BRD7: variants seen among roughly 807,000 people sequenced by gnomAD.
BRD7 encodes bromodomain-containing protein 7.
In BRD7, 15 loss-of-function variants were observed where a neutral mutation model predicts 82.1. The observed-to-expected ratio is 0.18, with a 90% CI of 0.12 to 0.28. The LOEUF is 0.28. Ranked by LOEUF, BRD7 falls within the 10% of genes least tolerant of loss-of-function variation. BRD7 has a pLI of 1.00. For synonymous variants in BRD7, 232 were observed against 266.9 expected, an observed-to-expected ratio of 0.87 and a Z score of 1.27; for missense variants, 638 against 779.9, an observed-to-expected ratio of 0.82 and a Z score of 2.17.
intron 5 of BRD7, among the ~76,000 whole-genome samples, chr16:50,345,948 T>C (rs914904735): frequency 1.3e-5 from 2 of 152,130 alleles, no homozygotes; most frequent in Admixed American, 6.5e-5. Context: ...CTCTCCACCC[T>C]AAATCAACAG....
intron 5 of BRD7, among the ~76,000 whole-genome samples, chr16:50,343,895 G>A (rs1367047802): frequency 6.6e-6 from 1 of 152,216 alleles, no homozygotes; most frequent in Non-Finnish European, 1.5e-5. Flanking sequence ...GTCCCTGTCT[G>A]ACAGCTTTGA....
intron 2 of BRD7, among the ~76,000 whole-genome samples, chr16:50,358,023 A>G (rs2038804299): frequency 1.3e-5 from 2 of 152,148 alleles, no homozygotes; most frequent in Admixed American, 6.5e-5. Context: ...CAAAACGGCC[A>G]AACTGTAAAC....
chr16:50,341,177 T>TACACAC (rs57755008), intron 5 of BRD7, among the ~76,000 whole-genome samples: 6,038 of 137,134 alleles, frequency 0.044, 181 homozygotes, highest in Non-Finnish European at 0.06. Flanking sequence ...AGACCTTAAG[T>TACACAC]ACACACACAC....
intron 4 of BRD7, among the ~76,000 whole-genome samples, chr16:50,350,740 C>T (rs1054976474): frequency 2.6e-5 from 4 of 152,116 alleles, no homozygotes; most frequent in African/African-American, 7.2e-5. Context: ...CCAAAAAAAC[C>T]CCAAAATCAG....
In BRD7 at chr16:50,328,679, G is replaced by A. The variant is rs188183810; in HGVS notation, c.1077C>T (p.Pro359=). 20 of 1,613,514 alleles carry A rather than the reference G, an allele frequency of 1.2e-5. No homozygotes were observed. The East Asian group carries it at 4.0e-4, about 32-fold the overall frequency. ...TTLGLLHPVD[P]IVGEPGYCPV... is the part of the protein sequence containing the mutation. ...TTACTCTGATCCTACCTCCTACAAT[G>A]GGATCCACAGGATGGAGAAGTCCCA... is the stretch of plus-strand genomic sequence containing the variant. Residue 359 remains proline, a synonymous_variant, in exon 9 of 17, where the codon CCC becomes CCT. Transcript: ENST00000394688.
At chr16:50,355,152 C>T (rs913477346) in intron 2 of BRD7, among the ~76,000 whole-genome samples, 17 of 152,008 alleles carry the variant, frequency 1.1e-4, no homozygotes, top group Admixed American at 5.2e-4. Context: ...ACAATACTAT[C>T]CAAAAAAGCA....
At chr16:50,362,204 A>C (rs941177620) in intron 2 of BRD7, among the ~76,000 whole-genome samples, 11 of 152,320 alleles carry the variant, frequency 7.2e-5, no homozygotes, top group African/African-American at 2.6e-4. Context: ...ATGTACTCTC[A>C]GGAGCCTCAG....
intron 5 of BRD7, 76 bp downstream of exon 5, chr16:50,349,947 G>T: frequency 7.8e-7 from 1 of 1,281,716 alleles, no homozygotes; most frequent in Non-Finnish European, 1.0e-6. Flanking sequence ...AAAATAAAAG[G>T]TCAATGAGAA....
chr16:50,368,257 C>T lies in BRD7; in HGVS notation c.91G>A (p.Gly31Arg). The change falls in exon 2 of 17, where the codon GGG becomes AGG. Residue 31 changes from glycine (G) to arginine (R), a missense_variant. Coordinates refer to ENST00000394688, the MANE Select transcript of BRD7 (RefSeq NM_013263.5). ...GTGGAGAGTTCGGTGACTTCGTTCC[C>T]TCCTACTTTGAGGACCAGCTTCAAG... ...KPLKLVLKVG[G>R]NEVTELSTGS... is the part of the protein sequence containing the mutation. 2 of 1,614,202 alleles carry T rather than the reference C, an allele frequency of 1.2e-6. No homozygotes were observed. Among genetic ancestry groups the T allele is most frequent in the Non-Finnish European group, 1.7e-6 (2 of 1,180,040 alleles).
rs140345367 is a variant in BRD7, at chr16:50,334,837, C to T, written c.761G>A (p.Arg254Gln). ...IDFMADLQKT[R>Q]KQKDGTDTSQ... ...GGTGTCTGTTCCATCTTTCTGCTTT[C>T]GAGTTTTCTGCAAGTCAGCCATGAA... is the stretch of plus-strand genomic sequence containing the variant. Residue 254 changes from arginine to glutamine, a missense_variant, in exon 7 of 17, where the codon CGA becomes CAA. Transcript: ENST00000394688. 2.0e-4 allele frequency: 321 copies of T among 1,614,120 alleles called. 1 individual carries two copies. In the African/African-American group the frequency reaches 3.8e-3, roughly 19 times the overall value.
chr16:50,332,351 G>C (rs1567606624), intron 8 of BRD7, among the ~76,000 whole-genome samples: 3 of 152,170 alleles, frequency 2.0e-5, no homozygotes, highest in Admixed American at 6.5e-5. Flanking sequence ...CAAAGGACAT[G>C]AACAGACACC....
intron 2 of BRD7, among the ~76,000 whole-genome samples, chr16:50,361,342 G>A (rs895687721): frequency 6.6e-6 from 1 of 152,124 alleles, no homozygotes; most frequent in Admixed American, 6.5e-5. Context: ...TAATGCTTTT[G>A]AGTAAAAAAA....
At chr16:50,364,524 A>G (rs910969381) in intron 2 of BRD7, among the ~76,000 whole-genome samples, 9 of 152,098 alleles carry the variant, frequency 5.9e-5, no homozygotes, top group Non-Finnish European at 1.3e-4. Flanking sequence ...CCATCCCCCT[A>G]CCTGTCCTAT....
chr16:50,358,490 T>C (rs1237987945), intron 2 of BRD7, among the ~76,000 whole-genome samples: 1 of 117,458 alleles, frequency 8.5e-6, no homozygotes, highest in East Asian at 2.0e-4. Context: ...AGCCAGATCC[T>C]GTCTCAAAAA....
intron 2 of BRD7, among the ~76,000 whole-genome samples, chr16:50,356,290 T>G (rs1481439905): frequency 6.6e-6 from 1 of 152,210 alleles, no homozygotes; most frequent in African/African-American, 2.4e-5. Flanking sequence ...CTACTCTCTG[T>G]GCATATACCA....
chr16:50,321,908 C>T, intron 13 of BRD7, 74 bp downstream of exon 13: 1 of 1,386,686 alleles, frequency 7.2e-7, no homozygotes, highest in Non-Finnish European at 1.0e-6. Context: ...AATGGGCCTT[C>T]CCATTCTCAA....
At chr16:50,331,049 A>T (rs962342119) in intron 8 of BRD7, among the ~76,000 whole-genome samples, 3 of 152,204 alleles carry the variant, frequency 2.0e-5, no homozygotes, top group African/African-American at 7.2e-5. Context: ...CAAGCTGAGC[A>T]CCAATTCAAG....
At chr16:50,347,432 A>G (rs917863238) in intron 5 of BRD7, among the ~76,000 whole-genome samples, 5 of 152,210 alleles carry the variant, frequency 3.3e-5, no homozygotes, top group Non-Finnish European at 7.3e-5. Context: ...GGAGAAAGAA[A>G]TAAAGGGTAT....
At chr16:50,367,846 C>T (rs1328783427) in intron 2 of BRD7, among the ~76,000 whole-genome samples, 2 of 152,180 alleles carry the variant, frequency 1.3e-5, no homozygotes, top group Admixed American at 1.3e-4. Flanking sequence ...TGAAGCAGCT[C>T]CTCAAAATTT....
Sources: gnomAD v4.1 joint callset for allele counts (sites outside exome capture counted in the v4.1 genomes callset) on GRCh38, gnomAD v4.1.1 for gene constraint, MANE v1.5 for transcripts, NCBI Gene and HGNC (gene_info 2026-07-23, HGNC 2026-07-21) for gene names.